ADAM19: variants seen among roughly 807,000 people sequenced by gnomAD.
ADAM19 encodes disintegrin and metalloproteinase domain-containing protein 19.
A neutral mutation model predicts 114.7 loss-of-function variants in ADAM19; 65 were observed. That is an observed-to-expected ratio of 0.57 (90% confidence interval 0.46 to 0.70). The LOEUF (loss-of-function observed/expected upper bound fraction) is 0.70, where lower values mean the gene tolerates loss of function less well. ADAM19 is among the 30% of genes least tolerant of loss of function. The pLI, the probability that ADAM19 is intolerant of heterozygous loss-of-function variation, is 0.00. For synonymous variants in ADAM19, 466 were observed against 460.5 expected (o/e 1.01, Z -0.15); for missense variants, 1,063 against 1,204.7 (o/e 0.88, Z 1.74).
In ADAM19 at chr5:157,477,304, T is replaced by A; in HGVS notation, c.*3645A>T. 1 of 1,002,012 alleles carries A rather than the reference T, an allele frequency of 1.0e-6. No homozygotes were observed. Among genetic ancestry groups the A allele is most frequent in the East Asian group, 1.0e-4 (1 of 9,666 alleles). 62.1% of individuals were successfully genotyped at this position (1,002,012 alleles called of 1,614,324 possible). Reference sequence around the variant, plus strand: ...CACAATAAAGAGCTGCCAAACCAGATAACATTGCAAATGACAAACAATTCA... The same window carrying A: ...CACAATAAAGAGCTGCCAAACCAGAAAACATTGCAAATGACAAACAATTCA... On this transcript the variant is annotated 3_prime_UTR_variant, in exon 23 of 23. Coordinates refer to ENST00000257527, the MANE Select transcript of ADAM19 (RefSeq NM_033274.5).
At chr5:157,517,001 A>G (rs1346318477) in intron 7 of ADAM19, among the ~76,000 whole-genome samples, 2 of 152,198 alleles carry the variant, frequency 1.3e-5, no homozygotes, top group African/African-American at 4.8e-5. Flanking sequence ...ATCAGTTAAA[A>G]TAAATCTAAA....
intron 2 of ADAM19, among the ~76,000 whole-genome samples, chr5:157,570,288 CA>C (rs895232573): frequency 6.8e-6 from 1 of 146,076 alleles, no homozygotes. Context: ...AAAACAAAAA[CA>C]AAAAAACAAA....
chr5:157,493,264 C>G, intron 15 of ADAM19, 87 bp from the exon 16 acceptor site: 1 of 1,461,514 alleles, frequency 6.8e-7, no homozygotes, highest in Non-Finnish European at 9.4e-7. Flanking sequence ...CTTTCTTGAT[C>G]AAGACAGCAG....
intron 19 of ADAM19, 136 bp downstream of exon 19, chr5:157,490,174 G>C: frequency 1.1e-6 from 1 of 904,384 alleles, no homozygotes; most frequent in Non-Finnish European, 1.7e-6. Flanking sequence ...CATAGCAGGG[G>C]AGAGGGCAGC....
chr5:157,536,624 T>TCACACACA (rs140225679), intron 4 of ADAM19, among the ~76,000 whole-genome samples: 3 of 149,760 alleles, frequency 2.0e-5, no homozygotes, highest in Non-Finnish European at 4.5e-5. Flanking sequence ...TGAAACTCTG[T>TCACACACA]CACACACACA....
rs946277015 is a variant in ADAM19 at position 157,571,012 on chromosome 5, C to G, written c.95-32G>C. 3 of 1,598,488 alleles carry G rather than the reference C, an allele frequency of 1.9e-6. No individual in the cohort carries two copies. The African/African-American group carries it at 4.0e-5, about 21-fold the overall frequency. On this transcript the variant is annotated intron_variant, in intron 1 of 22. Coordinates refer to ENST00000257527, the MANE Select transcript of ADAM19 (RefSeq NM_033274.5). ...ATACAAGATGCAAAACCATTGGAAT[C>G]CCAGACCTCTATACCCCAGCTAAGC...
At chr5:157,525,447 G>C (rs1204796397) in intron 5 of ADAM19, among the ~76,000 whole-genome samples, 13 of 152,158 alleles carry the variant, frequency 8.5e-5, no homozygotes, top group Admixed American at 8.5e-4. Context: ...TTACAGAAAA[G>C]AGGAAAGCCC....
chr5:157,514,091 C>G (rs1756016463), intron 7 of ADAM19, among the ~76,000 whole-genome samples: 1 of 152,222 alleles, frequency 6.6e-6, no homozygotes, highest in Non-Finnish European at 1.5e-5. Flanking sequence ...TGCTGAGTGA[C>G]AGACCCTGTA....
chr5:157,502,429 C>T (rs1311287386), intron 12 of ADAM19, among the ~76,000 whole-genome samples: 4 of 152,174 alleles, frequency 2.6e-5, no homozygotes, highest in African/African-American at 9.7e-5. Context: ...CTCATAAGGC[C>T]CCTGTTCAAG....
At chr5:157,499,314 T>G (rs1561530841) in intron 13 of ADAM19, among the ~76,000 whole-genome samples, 1 of 152,046 alleles carries the variant, frequency 6.6e-6, no homozygotes, top group Non-Finnish European at 1.5e-5. Flanking sequence ...TCTCTCTGGA[T>G]ACTTCTTTAA....
At chr5:157,544,788 T>A (rs998655050) in intron 3 of ADAM19, among the ~76,000 whole-genome samples, 1 of 152,064 alleles carries the variant, frequency 6.6e-6, no homozygotes, top group South Asian at 2.1e-4. Context: ...AAATGGTGAG[T>A]AGGAACAACT....
In ADAM19 at chr5:157,479,527, C is replaced by A; in HGVS notation, c.*1422G>T. 5.1e-6 allele frequency: 5 copies of A among 985,850 alleles called. No individual in the cohort carries two copies. Among genetic ancestry groups the A allele is most frequent in the Non-Finnish European group, 6.0e-6 (5 of 829,950 alleles). 61.1% of individuals were successfully genotyped at this position (985,850 alleles called of 1,614,324 possible). On this transcript the variant is annotated 3_prime_UTR_variant, in exon 23 of 23. Coordinates refer to ENST00000257527, the MANE Select transcript of ADAM19 (RefSeq NM_033274.5). ...ACATCTCCAGGTGCTTTGCAAAAAC[C>A]GTCCTATCTAGCAAAGCACCACACG...
At chr5:157,481,367 C>T in intron 22 of ADAM19, 1 of 584,886 alleles carries the variant, frequency 1.7e-6, no homozygotes, top group Non-Finnish European at 3.0e-6. Flanking sequence ...GTCAGCCACA[C>T]AGAAGAAGTA....
chr5:157,516,292 A>T (rs1379918689), intron 7 of ADAM19, among the ~76,000 whole-genome samples: 1 of 152,126 alleles, frequency 6.6e-6, no homozygotes, highest in Non-Finnish European at 1.5e-5. Context: ...CTTATCCACC[A>T]CAGCTGCATG....
intron 8 of ADAM19, among the ~76,000 whole-genome samples, chr5:157,511,369 G>T (rs964139988): frequency 2.0e-5 from 3 of 152,208 alleles, no homozygotes; most frequent in African/African-American, 7.2e-5. Context: ...CAAAGTCTCA[G>T]CAAGAAGATG....
chr5:157,565,726 T>A (rs998819154), intron 2 of ADAM19, among the ~76,000 whole-genome samples: 9 of 134,884 alleles, frequency 6.7e-5, no homozygotes, highest in African/African-American at 1.1e-4. Context: ...AAAAAAAAAA[T>A]GTTTAGACTC....
intron 4 of ADAM19, among the ~76,000 whole-genome samples, chr5:157,535,468 A>T (rs74349188): frequency 0.024 from 3,656 of 152,268 alleles, 138 homozygotes; most frequent in African/African-American, 0.083. Context: ...TCAGCTCCCA[A>T]ATGGGAAGTC....
At chr5:157,483,520 A>G (rs974554806) in intron 21 of ADAM19, among the ~76,000 whole-genome samples, 1 of 152,202 alleles carries the variant, frequency 6.6e-6, no homozygotes. Context: ...AAAATAAGTC[A>G]GCACGCTCAC....
At chr5:157,545,542 A>G (rs1434472555) in intron 3 of ADAM19, among the ~76,000 whole-genome samples, 1 of 152,150 alleles carries the variant, frequency 6.6e-6, no homozygotes, top group Non-Finnish European at 1.5e-5. Flanking sequence ...TATCCTTTCC[A>G]AAAAGATTGT....
Sources: allele counts gnomAD v4.1 joint callset (sites outside exome capture counted in the v4.1 genomes callset), GRCh38; gene constraint gnomAD v4.1.1; transcripts MANE v1.5; gene names NCBI Gene and HGNC (gene_info 2026-07-23, HGNC 2026-07-21).